PDE4D: variants seen among roughly 807,000 people sequenced by gnomAD.
PDE4D encodes 3',5'-cyclic-AMP phosphodiesterase 4D.
Under a neutral mutation model 87.4 loss-of-function variants are expected in PDE4D, and 24 were observed. The observed-to-expected ratio is 0.27, with a 90% CI of 0.20 to 0.39. The LOEUF (loss-of-function observed/expected upper bound fraction) is 0.39. PDE4D is among the 10% of genes least tolerant of loss of function. PDE4D has a pLI of 1.00. For missense variants in PDE4D, 714 were observed against 1,041.0 expected, an observed-to-expected ratio of 0.69 and a Z score of 4.32; for synonymous variants, 384 against 383.2, an observed-to-expected ratio of 1.00 and a Z score of -0.02.
chr5:59,449,674 C>G (rs745597478), intron 1 of PDE4D, among the ~76,000 whole-genome samples: 3 of 152,104 alleles, frequency 2.0e-5, no homozygotes, highest in Non-Finnish European at 2.9e-5. Context: ...GTTAAAAATG[C>G]CTATATTCTA....
At chr5:60,305,694 TA>T (rs1754433927) in intron 1 of PDE4D, among the ~76,000 whole-genome samples, 1 of 137,582 alleles carries the variant, frequency 7.3e-6, no homozygotes, top group South Asian at 2.5e-4. Context: ...CAGGAAGAAA[TA>T]AAACTTCTTA....
At chr5:60,157,429 C>T (rs968468943) in intron 2 of PDE4D, among the ~76,000 whole-genome samples, 3 of 152,094 alleles carry the variant, frequency 2.0e-5, no homozygotes, top group Non-Finnish European at 4.4e-5. Context: ...AGTCTACAAA[C>T]AAACTACTGT....
chr5:60,293,712 G>A (rs1034497019), intron 1 of PDE4D, among the ~76,000 whole-genome samples: 8 of 151,848 alleles, frequency 5.3e-5, no homozygotes, highest in Admixed American at 3.9e-4. Flanking sequence ...TTTTTGTCTC[G>A]ATTCCTTGAC....
intron 1 of PDE4D, among the ~76,000 whole-genome samples, chr5:59,360,921 A>G (rs1041918134): frequency 1.1e-4 from 17 of 152,204 alleles, no homozygotes; most frequent in African/African-American, 4.1e-4. Context: ...CACAAACTGT[A>G]ATTAAAGAGC....
At chr5:59,817,212 A>G (rs1201093553) in intron 1 of PDE4D, among the ~76,000 whole-genome samples, 1 of 152,232 alleles carries the variant, frequency 6.6e-6, no homozygotes, top group African/African-American at 2.4e-5. Flanking sequence ...TTGGAAGATT[A>G]GATGAGATGG....
chr5:59,415,573 G>A (rs1793458281), intron 1 of PDE4D, among the ~76,000 whole-genome samples: 1 of 152,134 alleles, frequency 6.6e-6, no homozygotes, highest in Non-Finnish European at 1.5e-5. Flanking sequence ...ACTATATTTG[G>A]AACAACTTGG....
intron 1 of PDE4D, among the ~76,000 whole-genome samples, chr5:59,521,943 A>G (rs1466960158): frequency 6.6e-6 from 1 of 152,244 alleles, no homozygotes; most frequent in Non-Finnish European, 1.5e-5. Flanking sequence ...AAAAGATAGT[A>G]GCCGACAATT....
intron 5 of PDE4D, among the ~76,000 whole-genome samples, chr5:59,113,511 C>T (rs528000252): frequency 4.3e-4 from 65 of 152,338 alleles, no homozygotes; most frequent in African/African-American, 1.6e-3. Flanking sequence ...ATTACTACAT[C>T]TTAGAAATTG....
At chr5:59,486,467 T>A (rs1805174405) in intron 1 of PDE4D, among the ~76,000 whole-genome samples, 1 of 152,246 alleles carries the variant, frequency 6.6e-6, no homozygotes, top group African/African-American at 2.4e-5. Flanking sequence ...TGCCTTCTTG[T>A]ATGAATTCTT....
intron 2 of PDE4D, among the ~76,000 whole-genome samples, chr5:60,046,475 C>A (rs1769267724): frequency 6.6e-6 from 1 of 152,188 alleles, no homozygotes; most frequent in East Asian, 1.9e-4. Flanking sequence ...CCAGTTTTTG[C>A]CCATTCAGTA....
At chr5:60,172,153 CAT>C (rs1373813365) in intron 2 of PDE4D, among the ~76,000 whole-genome samples, 2 of 147,020 alleles carry the variant, frequency 1.4e-5, no homozygotes, top group East Asian at 2.0e-4. Context: ...TATACACACA[CAT>C]GTTGGCATTT....
intron 1 of PDE4D, among the ~76,000 whole-genome samples, chr5:59,231,958 A>C (rs1385832413): frequency 2.6e-5 from 4 of 152,208 alleles, no homozygotes; most frequent in African/African-American, 9.7e-5. Context: ...TCTTAACAAC[A>C]ATCAGCAAAG....
chr5:59,767,476 CT>C (rs879613137), intron 1 of PDE4D, among the ~76,000 whole-genome samples: 249 of 144,588 alleles, frequency 1.7e-3, no homozygotes, highest in Middle Eastern at 3.6e-3. Flanking sequence ...GGTTTTTCTT[CT>C]TTTTTTTTTT....
At chr5:59,445,970 G>T (rs1481871843) in intron 1 of PDE4D, among the ~76,000 whole-genome samples, 3 of 152,090 alleles carry the variant, frequency 2.0e-5, no homozygotes, top group Non-Finnish European at 4.4e-5. Flanking sequence ...GAATTCCCAT[G>T]GTTGGTTTAA....
chr5:59,818,230 C>G (rs533120848), intron 1 of PDE4D, among the ~76,000 whole-genome samples: 3 of 152,204 alleles, frequency 2.0e-5, no homozygotes, highest in Non-Finnish European at 4.4e-5. Flanking sequence ...AATTGGTGAT[C>G]GCCTAGCTGT....
At chr5:59,695,789 T>G (rs1192817455) in intron 1 of PDE4D, among the ~76,000 whole-genome samples, 1 of 151,824 alleles carries the variant, frequency 6.6e-6, no homozygotes, top group Non-Finnish European at 1.5e-5. Flanking sequence ...TTGTATTTTT[T>G]GTAGAGATGG....
At chr5:60,125,968 C>A (rs1779089726) in intron 2 of PDE4D, among the ~76,000 whole-genome samples, 1 of 152,092 alleles carries the variant, frequency 6.6e-6, no homozygotes, top group Non-Finnish European at 1.5e-5. Context: ...CCTTTAATAT[C>A]CCAAATATCC....
Position 59,058,886 on chromosome 5 carries a change from C to A in PDE4D, c.809-19915G>T, listed in dbSNP as rs189110124. ...ATTACATCCCTAAATGTACTGAAGT[C>A]TAGAAGACATGCCCATTTGAAAACT... On this transcript the variant is annotated intron_variant, in intron 5 of 14. Coordinates refer to ENST00000340635, the MANE Select transcript of PDE4D (RefSeq NM_001104631.2). 7.9e-5 allele frequency among the ~76,000 whole-genome samples: 12 copies of A among 152,278 alleles called. No individual in the cohort carries two copies. The East Asian group carries it at 2.1e-3, about 27-fold the overall frequency.
At chr5:59,155,575 T>A (rs1194004954) in intron 5 of PDE4D, among the ~76,000 whole-genome samples, 1 of 152,096 alleles carries the variant, frequency 6.6e-6, no homozygotes, top group African/African-American at 2.4e-5. Context: ...AGCTAAAGGA[T>A]CAATAAAGAG....
Sources: allele counts gnomAD v4.1 joint callset (sites outside exome capture counted in the v4.1 genomes callset), GRCh38; gene constraint gnomAD v4.1.1; transcripts MANE v1.5; gene names NCBI Gene and HGNC (gene_info 2026-07-23, HGNC 2026-07-21).